The following LGR5 variants were observed in gnomAD, a reference collection of about 807,000 sequenced individuals.
LGR5 encodes leucine rich repeat containing G protein-coupled receptor 5, also known as leucine-rich repeat-containing G protein-coupled receptor 5.
In LGR5, 54 loss-of-function variants were observed where a neutral mutation model predicts 76.7. The ratio of observed to expected loss-of-function variants is 0.70; its 90% CI spans 0.57 to 0.88. The LOEUF is 0.88. Ranked by LOEUF, LGR5 falls within the 40% of genes least tolerant of loss-of-function variation. LGR5 has a pLI of 0.00. For missense variants in LGR5, 1,078 were observed against 1,073.3 expected (o/e 1.00, Z -0.06); for synonymous variants, 406 against 421.9 (o/e 0.96, Z 0.46).
chr12:71,463,700 A>C (rs1872757812), intron 1 of LGR5, among the ~76,000 whole-genome samples: 1 of 152,124 alleles, frequency 6.6e-6, no homozygotes, highest in African/African-American at 2.4e-5. Flanking sequence ...ATATTAACAC[A>C]AGGTAATTGA....
At chr12:71,582,371 G>C in intron 16 of LGR5, 85 bp from the exon 17 acceptor site, 1 of 1,086,020 alleles carries the variant, frequency 9.2e-7, no homozygotes. Flanking sequence ...CATGTCTCCA[G>C]AATAACCCAG....
chr12:71,519,653 A>G (rs1164799124), intron 2 of LGR5, among the ~76,000 whole-genome samples: 1 of 149,990 alleles, frequency 6.7e-6, no homozygotes, highest in African/African-American at 2.5e-5. Flanking sequence ...AACAAAAAAC[A>G]AAAAACAAAA....
At chr12:71,512,456 A>ATAT (rs1875204739) in intron 2 of LGR5, among the ~76,000 whole-genome samples, 1 of 152,250 alleles carries the variant, frequency 6.6e-6, no homozygotes, top group Non-Finnish European at 1.5e-5. Context: ...AATATGCATT[A>ATAT]GAATCGCCTA....
chr12:71,439,297 G>C (rs1201895864), upstream of LGR5, among the ~76,000 whole-genome samples: 1 of 152,196 alleles, frequency 6.6e-6, no homozygotes, highest in Non-Finnish European at 1.5e-5. Flanking sequence ...CGCCGGGGAC[G>C]CCTGCCTCCT....
At chr12:71,476,603 C>T (rs1015122961) in intron 1 of LGR5, among the ~76,000 whole-genome samples, 1 of 152,080 alleles carries the variant, frequency 6.6e-6, no homozygotes, top group African/African-American at 2.4e-5. Context: ...ACTGGTGGAT[C>T]GTTGATGGCA....
chr12:71,549,788 A>G (rs974531904), intron 4 of LGR5, among the ~76,000 whole-genome samples: 2 of 152,240 alleles, frequency 1.3e-5, no homozygotes, highest in South Asian at 4.1e-4. Context: ...CACTCAGGAC[A>G]TCTGAAGGTC....
At chr12:71,516,499 C>T (rs895976580) in intron 2 of LGR5, among the ~76,000 whole-genome samples, 3 of 152,076 alleles carry the variant, frequency 2.0e-5, no homozygotes, top group Admixed American at 2.0e-4. Context: ...GGTCAAATGC[C>T]CGCTTCCATC....
chr12:71,520,922 G>A (rs190862032), intron 2 of LGR5, among the ~76,000 whole-genome samples: 105 of 151,846 alleles, frequency 6.9e-4, no homozygotes, highest in Non-Finnish European at 1.3e-3. Context: ...TTTTAAAAAT[G>A]CTACTGAATC....
chr12:71,546,317 A>AATAT (rs57093154), intron 4 of LGR5, among the ~76,000 whole-genome samples: 65,033 of 148,580 alleles, frequency 0.44, 15,983 homozygotes, highest in Non-Finnish European at 0.57. Flanking sequence ...TCAGTCTCAA[A>AATAT]ATATATATAT....
intron 4 of LGR5, among the ~76,000 whole-genome samples, chr12:71,549,944 G>A (rs1877392441): frequency 6.6e-6 from 1 of 152,030 alleles, no homozygotes; most frequent in Admixed American, 6.6e-5. Context: ...TTTTTCTGGG[G>A]GGAAAAGAAA....
chr12:71,504,767 C>A (rs2137304495), intron 2 of LGR5, 82 bp downstream of exon 2: 1 of 1,175,324 alleles, frequency 8.5e-7, no homozygotes, highest in East Asian at 2.3e-5. Context: ...CTGTGGGAAC[C>A]AGATAAAACA....
At chr12:71,528,171 C>T (rs990280634) in intron 3 of LGR5, among the ~76,000 whole-genome samples, 1 of 152,070 alleles carries the variant, frequency 6.6e-6, no homozygotes, top group South Asian at 2.1e-4. Flanking sequence ...AAATCGTGTT[C>T]GTAGCTGGGC....
rs1021648485 is a variant in LGR5, at chr12:71,440,360, G to A, written c.212+68G>A. 15 of 1,497,212 alleles carry A rather than the reference G, an allele frequency of 1.0e-5. No individual in the cohort carries two copies. The highest frequency in any genetic ancestry group is 1.4e-5 in the Non-Finnish European group (15 of 1,093,442). 92.7% of individuals were successfully genotyped at this position (1,497,212 alleles called of 1,614,324 possible). A position where few individuals can be genotyped will look rare whatever the true frequency, so the allele number is the denominator to read the frequency against. The stretch of plus-strand genomic sequence containing the variant: ...GGAAGGAAGGTTCGTCCAAGGCGAG[G>A]CTGGAGGCTCCTCGGCGCCCGCCTG... On this transcript the variant is annotated intron_variant, in intron 1 of 17. Transcript: ENST00000266674. The surrounding 1 kb of genome is among the most constrained non-coding windows in gnomAD (Gnocchi z 5.3).
intron 13 of LGR5, among the ~76,000 whole-genome samples, chr12:71,574,654 C>T (rs1878771273): frequency 6.6e-6 from 1 of 152,190 alleles, no homozygotes; most frequent in Admixed American, 6.5e-5. Flanking sequence ...TTCCCAGCAA[C>T]ACTCTTCAAA....
chr12:71,458,821 G>T (rs1309864555), intron 1 of LGR5, among the ~76,000 whole-genome samples: 1 of 151,912 alleles, frequency 6.6e-6, no homozygotes, highest in African/African-American at 2.4e-5. Context: ...TATGGCAGCA[G>T]AAATTTTTTA....
At chr12:71,562,903 G>C (rs1878130041) in intron 8 of LGR5, among the ~76,000 whole-genome samples, 1 of 151,990 alleles carries the variant, frequency 6.6e-6, no homozygotes, top group Admixed American at 6.6e-5. Flanking sequence ...TTGACAACCA[G>C]AAGAAAAAAA....
rs149642519 is a variant in LGR5, at chr12:71,584,191, C to T, written c.2181C>T (p.Val727=). Reference sequence around the variant, plus strand: ...AGCCCAGCACCATGGGCTACATGGTCGCTCTCATCTTGCTCAATTCCCTTT... The same window carrying T: ...AGCCCAGCACCATGGGCTACATGGTTGCTCTCATCTTGCTCAATTCCCTTT... ...FGEPSTMGYM[V]ALILLNSLCF... Residue 727 remains valine, a synonymous_variant, in exon 18 of 18, where the codon GTC becomes GTT. Coordinates refer to ENST00000266674, the MANE Select transcript of LGR5 (RefSeq NM_003667.4). 24 of 1,613,968 alleles carry T rather than the reference C, an allele frequency of 1.5e-5. No individual in the cohort carries two copies. Among genetic ancestry groups the T allele is most frequent in the African/African-American group, 1.3e-4 (10 of 74,886 alleles).
chr12:71,472,722 T>G (rs1873153222), intron 1 of LGR5, among the ~76,000 whole-genome samples: 2 of 152,194 alleles, frequency 1.3e-5, no homozygotes, highest in Admixed American at 6.5e-5. Context: ...GGCTGGGGGA[T>G]CCATACCACA....
At chr12:71,531,361 T>C (rs1439638901) in intron 3 of LGR5, among the ~76,000 whole-genome samples, 1 of 152,212 alleles carries the variant, frequency 6.6e-6, no homozygotes, top group Admixed American at 6.5e-5. Flanking sequence ...AAAAACAGAA[T>C]GTTCTAATTA....
Sources: allele counts gnomAD v4.1 joint callset (sites outside exome capture counted in the v4.1 genomes callset), GRCh38; gene constraint gnomAD v4.1.1; non-coding constraint Gnocchi (gnomAD v3.1); transcripts MANE v1.5; gene names NCBI Gene and HGNC (gene_info 2026-07-23, HGNC 2026-07-21).